ITIH5: variants seen among roughly 807,000 people sequenced by gnomAD.
ITIH5 encodes inter-alpha-trypsin inhibitor heavy chain H5.
A neutral mutation model predicts 77.5 loss-of-function variants in ITIH5; 65 were observed. The ratio of observed to expected loss-of-function variants is 0.84; its 90% confidence interval spans 0.69 to 1.03. ITIH5 has a LOEUF of 1.03. Ranked by LOEUF, ITIH5 falls within the 50% of genes least tolerant of loss-of-function variation. ITIH5 has a pLI of 0.00. For synonymous variants in ITIH5, 525 were observed against 494.3 expected (o/e 1.06, Z -0.82); for missense variants, 1,208 against 1,213.1 (o/e 1.00, Z 0.06).
chr10:7,609,386 T>C (rs1288527616), intron 7 of ITIH5: 1 of 451,610 alleles, frequency 2.2e-6, no homozygotes, highest in Non-Finnish European at 4.4e-6. Flanking sequence ...ACACAAGATG[T>C]TCCCCAAGTC....
intron 7 of ITIH5, among the ~76,000 whole-genome samples, chr10:7,588,137 A>G (rs10905195): frequency 0.29 from 43,660 of 152,140 alleles, 6,601 homozygotes; most frequent in East Asian, 0.49. Context: ...TAATCCCAAC[A>G]CTTTGGGAGG....
At position 7,585,972 on chromosome 10, in the gene ITIH5, T is replaced by C; in HGVS notation, c.1037A>G (p.His346Arg). 1 of 1,614,032 alleles carries C rather than the reference T, an allele frequency of 6.2e-7. No homozygotes were observed. Among genetic ancestry groups the C allele is most frequent in the South Asian group, 1.1e-5 (1 of 91,084 alleles). ...GCTGTCTGGAGTGACTGATATCAAG[T>C]GGTCCTTCCATACTTTGATCCGGTT... ...FSNRIKVWKDHLISVTPDSIR... is the reference protein window; with the variant it reads ...FSNRIKVWKDRLISVTPDSIR... Residue 346 changes from histidine (H) to arginine (R), a missense_variant, in exon 8 of 14, where the codon CAC (histidine) becomes CGC (arginine). Transcript: ENST00000397146.
rs575227407 is a variant in ITIH5, at chr10:7,624,635, T to C, written c.653-7353A>G. On this transcript the variant is annotated intron_variant, in intron 5 of 13. Transcript: ENST00000397146. ...GAGTTCCAGACCAGCCTAGCTAACA[T>C]GGTGAAACCCTGTCTCTACTAAAAA... Among the ~76,000 whole-genome samples, 6 of 150,088 alleles carry C rather than the reference T, an allele frequency of 4.0e-5. No individual in the cohort carries two copies. The East Asian group carries it at 9.9e-4, about 25-fold the overall frequency.
chr10:7,659,556 T>C (rs1834242967), intron 1 of ITIH5, among the ~76,000 whole-genome samples: 1 of 152,148 alleles, frequency 6.6e-6, no homozygotes, highest in Admixed American at 6.5e-5. Flanking sequence ...TGGGGACCAC[T>C]TAAAATAACT....
At chr10:7,619,856 T>C (rs1833444574) in intron 5 of ITIH5, 1 of 155,420 alleles carries the variant, frequency 6.4e-6, no homozygotes, top group Admixed American at 6.5e-5. Flanking sequence ...AGCCAAACCA[T>C]ATCAATTTCC....
chr10:7,624,244 A>C (rs1438018455), intron 5 of ITIH5, among the ~76,000 whole-genome samples: 2 of 152,214 alleles, frequency 1.3e-5, no homozygotes, highest in Admixed American at 6.5e-5. Context: ...ACAGTGGCTC[A>C]TGCCTGTAAT....
chr10:7,657,885 T>C (rs1257436044), intron 1 of ITIH5, among the ~76,000 whole-genome samples: 2 of 152,218 alleles, frequency 1.3e-5, no homozygotes, highest in Non-Finnish European at 2.9e-5. Context: ...GACTGCTCCA[T>C]GAAGCCCAAG....
intron 10 of ITIH5, among the ~76,000 whole-genome samples, chr10:7,575,099 A>T (rs1316633): frequency 0.53 from 80,036 of 152,086 alleles, 21,317 homozygotes; most frequent in East Asian, 0.77. Context: ...GTCAATTGCA[A>T]CCTCGCTATC....
Position 7,642,080 on chromosome 10 carries a change from G to T in ITIH5, c.146C>A (p.Pro49His). The T allele has an allele frequency of 6.2e-7, 1 of 1,613,540 alleles. No individual in the cohort carries two copies. The highest frequency in any genetic ancestry group is 8.5e-7 in the Non-Finnish European group (1 of 1,179,712). Residue 49 changes from proline (P) to histidine (H), a missense_variant, in exon 3 of 14, where the codon CCT becomes CAT. Transcript: ENST00000397146. ...VRLLQRLKTK[P>H]LMTEFSVKST... ...CTTCACTGAGAATTCTGTCATCAAA[G>T]GTTTGGTTTTCTGTAGGAATGAAAA...
intron 7 of ITIH5, chr10:7,609,520 T>C (rs1356869041): frequency 2.2e-6 from 1 of 453,318 alleles, no homozygotes; most frequent in Non-Finnish European, 4.4e-6. Context: ...AGCCTGTGAG[T>C]GAACCAAAAT....
chr10:7,628,545 A>C (rs955186947), intron 5 of ITIH5, among the ~76,000 whole-genome samples: 1 of 104,108 alleles, frequency 9.6e-6, no homozygotes, highest in Non-Finnish European at 2.6e-5. Context: ...TGTCCATGTG[A>C]TACCATGTAT....
chr10:7,611,930 T>TA (rs1554754076), intron 7 of ITIH5, among the ~76,000 whole-genome samples: 3 of 151,016 alleles, frequency 2.0e-5, no homozygotes, highest in Non-Finnish European at 4.4e-5. Flanking sequence ...TTTTTTTTTT[T>TA]ACATATTTTG....
rs138363539 is a variant in ITIH5 at position 7,566,917 on chromosome 10, GAAGAA to G, written c.2150-515_2150-511del. 2.5e-3 allele frequency among the ~76,000 whole-genome samples: 261 copies of G among 105,636 alleles called. 52 individuals are homozygous for G. The highest frequency in any genetic ancestry group is 0.015 in the Middle Eastern group (3 of 202). The allele number at this position is 105,636 out of a possible 152,430, so 69.3% of individuals were successfully genotyped here. ...AGAAGAAGAAGAAGAAGAAGAAGAA[GAAGAA>G]AAGAAAAGAAAATCTATCCCTGCCC... On this transcript the variant is annotated intron_variant, in intron 12 of 13. Transcript: ENST00000397146.
At chr10:7,666,542 G>A (rs1588437281) in intron 1 of ITIH5, among the ~76,000 whole-genome samples, 1 of 152,288 alleles carries the variant, frequency 6.6e-6, no homozygotes, top group Non-Finnish European at 1.5e-5. Flanking sequence ...AGAAATCTGC[G>A]CAATCAACAG....
chr10:7,642,670 C>CAG (rs1207232872), intron 2 of ITIH5, among the ~76,000 whole-genome samples: 6 of 152,156 alleles, frequency 3.9e-5, no homozygotes, highest in African/African-American at 9.7e-5. Flanking sequence ...AAAAGGAACA[C>CAG]ATAAGTCTGT....
intron 5 of ITIH5, among the ~76,000 whole-genome samples, chr10:7,623,532 G>C (rs1347792821): frequency 1.3e-5 from 2 of 152,218 alleles, no homozygotes; most frequent in Non-Finnish European, 2.9e-5. Flanking sequence ...GGCCGGGCGT[G>C]GTGGCTCACG....
chr10:7,663,450 TAA>T (rs2131119897), intron 1 of ITIH5, among the ~76,000 whole-genome samples: 1 of 152,210 alleles, frequency 6.6e-6, no homozygotes, highest in East Asian at 1.9e-4. Flanking sequence ...TACATGCTAA[TAA>T]AACATAAGCT....
chr10:7,578,819 G>A (rs981822635), intron 9 of ITIH5: 9 of 152,082 alleles, frequency 5.9e-5, no homozygotes, highest in African/African-American at 1.9e-4. Flanking sequence ...AGACTGATGC[G>A]TGGCAACATA....
At chr10:7,622,814 A>G (rs1175150434) in intron 5 of ITIH5, among the ~76,000 whole-genome samples, 1 of 152,176 alleles carries the variant, frequency 6.6e-6, no homozygotes, top group Non-Finnish European at 1.5e-5. Flanking sequence ...GTAAATGTAC[A>G]TTTTTTTCTG....
Sources: gnomAD v4.1 joint callset for allele counts (sites outside exome capture counted in the v4.1 genomes callset) on GRCh38, gnomAD v4.1.1 for gene constraint, MANE v1.5 for transcripts, NCBI Gene and HGNC (gene_info 2026-07-23, HGNC 2026-07-21) for gene names.